SMARCE1: variants seen among roughly 807,000 people sequenced by gnomAD.
SMARCE1 encodes the protein SWI/SNF-related matrix-associated actin-dependent regulator of chromatin subfamily E member 1.
A neutral mutation model predicts 54.9 loss-of-function variants in SMARCE1; 13 were observed. The ratio of observed to expected loss-of-function variants is 0.24; its 90% confidence interval spans 0.15 to 0.38. The LOEUF (loss-of-function observed/expected upper bound fraction) is 0.38. SMARCE1 is among the 10% of genes least tolerant of loss of function. The probability of loss-of-function intolerance (pLI) is 1.00; values close to 1 mark genes in which losing one functional copy is unlikely to be tolerated. For missense variants in SMARCE1, 295 were observed against 523.8 expected (o/e 0.56, Z 4.26); for synonymous variants, 151 against 175.3 (o/e 0.86, Z 1.10).
At position 40,628,435 on chromosome 17, in the gene SMARCE1, C is replaced by A. The variant is rs1328117595; in HGVS notation, c.*350G>T. 1 of 217,658 alleles carries A rather than the reference C, an allele frequency of 4.6e-6. No homozygotes were observed. 13.5% of individuals were successfully genotyped at this position (217,658 alleles called of 1,614,324 possible). A position where few individuals can be genotyped will look rare whatever the true frequency, so the allele number is the denominator to read the frequency against. Reference sequence around the variant, plus strand: ...GGACTGGGAAGGTTTAAAGCTATGGCTTTGGTAAGCACCCCAGTGAGCTGT... The same window carrying A: ...GGACTGGGAAGGTTTAAAGCTATGGATTTGGTAAGCACCCCAGTGAGCTGT... On this transcript the variant is annotated 3_prime_UTR_variant, in exon 11 of 11. Transcript: ENST00000348513.
rs1049204400 is a variant in SMARCE1 at position 40,642,091 on chromosome 17, T to C, written c.156+364A>G. 2.1e-5 allele frequency: 7 copies of C among 335,530 alleles called. No individual in the cohort carries two copies. The Admixed American group carries it at 3.5e-4, about 17-fold the overall frequency. The allele number at this position is 335,530 out of a possible 1,614,324, so 20.8% of individuals were successfully genotyped here. A position where few individuals can be genotyped will look rare whatever the true frequency, so the allele number is the denominator to read the frequency against. Reference sequence around the variant, plus strand: ...TGAAAGACCAGCCTCTACTAGAAACTCAATCCTTGAGACTAATGCCAATCA... The same window carrying C: ...TGAAAGACCAGCCTCTACTAGAAACCCAATCCTTGAGACTAATGCCAATCA... On this transcript the variant is annotated intron_variant, in intron 4 of 10. Transcript: ENST00000348513. The surrounding 1 kb of genome is among the most constrained non-coding windows in gnomAD (Gnocchi z 4.6).
In SMARCE1 at chr17:40,642,430, A is replaced by C. The variant is rs377509962; in HGVS notation, c.156+25T>G. On this transcript the variant is annotated intron_variant, in intron 4 of 10. Transcript: ENST00000348513. The surrounding 1 kb of genome is among the most constrained non-coding windows in gnomAD (Gnocchi z 4.6). ...CTGGTCAATTCCAGTTGTTTGCCGG[A>C]TGCTGTAATAGTTGATTCTCCTACC... 9 of 1,321,290 alleles carry C rather than the reference A, an allele frequency of 6.8e-6. No individual in the cohort carries two copies. In the African/African-American group the frequency reaches 1.3e-4, roughly 19 times the overall value. 81.8% of individuals were successfully genotyped at this position (1,321,290 alleles called of 1,614,324 possible). A position where few individuals can be genotyped will look rare whatever the true frequency, so the allele number is the denominator to read the frequency against.
chr17:40,642,613 A>T lies in SMARCE1; in HGVS notation c.52-54T>A, dbSNP rs2037210439. ...GAATGAGAAATGAGCTCAAACGAGG[A>T]AAACACAGAAATGAAAAATGATCTG... is the stretch of plus-strand genomic sequence containing the variant. On this transcript the variant is annotated intron_variant, in intron 3 of 10. Coordinates refer to ENST00000348513, the MANE Select transcript of SMARCE1 (RefSeq NM_003079.5). The surrounding 1 kb of genome is among the most constrained non-coding windows in gnomAD (Gnocchi z 4.6). The T allele has an allele frequency of 9.1e-7, 1 of 1,101,426 alleles. No homozygotes were observed. Among genetic ancestry groups the T allele is most frequent in the South Asian group, 1.3e-5 (1 of 77,054 alleles). The allele number at this position is 1,101,426 out of a possible 1,614,324, so 68.2% of individuals were successfully genotyped here.
chr17:40,640,653 C>T (rs1424371496), intron 4 of SMARCE1: 1 of 152,110 alleles, frequency 6.6e-6, no homozygotes, highest in Non-Finnish European at 1.5e-5. Context: ...GAAAGCAGGG[C>T]AAGTAGTGTA....
intron 10 of SMARCE1, chr17:40,629,263 T>C (rs909610844): frequency 1.9e-6 from 1 of 517,312 alleles, no homozygotes; most frequent in Admixed American, 3.5e-5. Context: ...AATTGAGATG[T>C]GTATAAAGAC....
intron 3 of SMARCE1, chr17:40,643,201 A>C (rs761978488): frequency 6.6e-6 from 1 of 152,248 alleles, no homozygotes; most frequent in Non-Finnish European, 1.5e-5. Flanking sequence ...GACTTGTAAG[A>C]AATGCATGGA....
At chr17:40,637,844 T>C (rs969210033) in intron 4 of SMARCE1, 7 of 433,840 alleles carry the variant, frequency 1.6e-5, no homozygotes, top group South Asian at 2.2e-5. Context: ...AACCCATACA[T>C]TGAAAATATA....
At position 40,632,279 on chromosome 17, in the gene SMARCE1, A is replaced by G. The variant is rs773810706; in HGVS notation, c.630T>C (p.Ser210=). The part of the protein sequence containing the change: ...HRLISEILSE[S]VVPDVRSVVT... ...CAACTGACCGAACGTCTGGCACCAC[A>G]CTCTCACTAAGAATTTCACTGATGA... Residue 210 remains serine, a synonymous_variant, in exon 8 of 11, where the codon AGT becomes AGC. Transcript: ENST00000348513. 1 of 1,613,920 alleles carries G rather than the reference A, an allele frequency of 6.2e-7. No individual in the cohort carries two copies. The highest frequency in any genetic ancestry group is 2.2e-5 in the East Asian group (1 of 44,880).
chr17:40,628,699 A>T lies in SMARCE1; in HGVS notation c.*86T>A. On this transcript the variant is annotated 3_prime_UTR_variant, in exon 11 of 11. Coordinates refer to ENST00000348513, the MANE Select transcript of SMARCE1 (RefSeq NM_003079.5). ...TGTGATATGGACAAGAAAAAAAATT[A>T]ATACACAAACCACGTAACACCATTA... 1 of 1,115,044 alleles carries T rather than the reference A, an allele frequency of 9.0e-7. No individual in the cohort carries two copies. Among genetic ancestry groups the T allele is most frequent in the Non-Finnish European group, 1.3e-6 (1 of 755,856 alleles). 69.1% of individuals were successfully genotyped at this position (1,115,044 alleles called of 1,614,324 possible).
intron 4 of SMARCE1, among the ~76,000 whole-genome samples, chr17:40,638,561 C>G (rs1000944631): frequency 6.6e-6 from 1 of 152,098 alleles, no homozygotes; most frequent in Non-Finnish European, 1.5e-5. Context: ...CTCTGGTAGA[C>G]CACCCAGATA....
At position 40,625,630 on chromosome 17, in the gene SMARCE1, T is replaced by C. The variant is rs919107805; in HGVS notation, c.*3155A>G. On this transcript the variant is annotated 3_prime_UTR_variant, in exon 11 of 11. Coordinates refer to ENST00000348513, the MANE Select transcript of SMARCE1 (RefSeq NM_003079.5). Reference sequence around the variant, plus strand: ...TGCAGGCAATAGGAGTTTCACACTGTCAGCACCAACTGTCTAAAATCCAAA... The same window carrying C: ...TGCAGGCAATAGGAGTTTCACACTGCCAGCACCAACTGTCTAAAATCCAAA... The C allele has an allele frequency of 2.0e-5, 3 of 152,242 alleles. No homozygotes were observed. The highest frequency in any genetic ancestry group is 7.2e-5 in the African/African-American group (3 of 41,460). 9.4% of individuals were successfully genotyped at this position (152,242 alleles called of 1,614,324 possible). A position where few individuals can be genotyped will look rare whatever the true frequency, so the allele number is the denominator to read the frequency against.
intron 10 of SMARCE1, chr17:40,630,332 C>A (rs751415079): frequency 1.3e-5 from 11 of 867,774 alleles, no homozygotes; most frequent in Non-Finnish European, 2.1e-5. Flanking sequence ...GCAGGCCAGG[C>A]AGTTGTTGTT....
rs986547581 is a variant in SMARCE1 at position 40,626,562 on chromosome 17, A to C, written c.*2223T>G. On this transcript the variant is annotated 3_prime_UTR_variant, in exon 11 of 11. Coordinates refer to ENST00000348513, the MANE Select transcript of SMARCE1 (RefSeq NM_003079.5). Reference sequence around the variant, plus strand: ...TTTTTACATCAATCTTCCCCTGCTGAGGTTCAGAGCTGTCAAATCCCAACT... The same window carrying C: ...TTTTTACATCAATCTTCCCCTGCTGCGGTTCAGAGCTGTCAAATCCCAACT... The C allele has an allele frequency of 2.6e-5, 4 of 152,056 alleles. No homozygotes were observed. Among genetic ancestry groups the C allele is most frequent in the Admixed American group, 2.0e-4 (3 of 15,268 alleles). 9.4% of individuals were successfully genotyped at this position (152,056 alleles called of 1,614,324 possible). A position where few individuals can be genotyped will look rare whatever the true frequency, so the allele number is the denominator to read the frequency against.
Position 40,642,341 on chromosome 17 carries a change from G to T in SMARCE1, c.156+114C>A, listed in dbSNP as rs767671988. On this transcript the variant is annotated intron_variant, in intron 4 of 10. Transcript: ENST00000348513. This position sits in a 1 kb window ranked among gnomAD's most constrained non-coding sequence, Gnocchi z 4.6. The stretch of plus-strand genomic sequence containing the variant: ...ATGTTGAAAATACTCAAAAAGCTAG[G>T]TTAAAAAATTTTTTTTAAATGGCTG... 2 of 754,728 alleles carry T rather than the reference G, an allele frequency of 2.6e-6. No individual in the cohort carries two copies. 46.8% of individuals were successfully genotyped at this position (754,728 alleles called of 1,614,324 possible).
intron 2 of SMARCE1, 71 bp from the exon 3 acceptor site, chr17:40,645,690 G>T: frequency 8.4e-7 from 1 of 1,193,934 alleles, no homozygotes; most frequent in Non-Finnish European, 1.2e-6. Flanking sequence ...AACTACCAAT[G>T]GTCCTGTTTT....
chr17:40,636,122 T>G lies in SMARCE1; in HGVS notation c.370-20A>C. 6.3e-7 allele frequency: 1 copy of G among 1,580,740 alleles called. No individual in the cohort carries two copies. The highest frequency in any genetic ancestry group is 1.4e-5 in the African/African-American group (1 of 73,364). ...CTCTATCTGAAATTCAAATGTTTTT[T>G]GGTTTTATAATTAACATTTTGCAGG... On this transcript the variant is annotated intron_variant, in intron 6 of 10. Coordinates refer to ENST00000348513, the MANE Select transcript of SMARCE1 (RefSeq NM_003079.5).
Position 40,642,200 on chromosome 17 carries a change from C to T in SMARCE1, c.156+255G>A. 1 of 600,412 alleles carries T rather than the reference C, an allele frequency of 1.7e-6. No individual in the cohort carries two copies. Among genetic ancestry groups the T allele is most frequent in the Non-Finnish European group, 2.9e-6 (1 of 341,032 alleles). The allele number at this position is 600,412 out of a possible 1,614,324, so 37.2% of individuals were successfully genotyped here. A position where few individuals can be genotyped will look rare whatever the true frequency, so the allele number is the denominator to read the frequency against. Reference sequence around the variant, plus strand: ...TCTGTTTGTTTACATACAGTATAAGCATCAAGTGCTCAAGGCTTTAACCCT... The same window carrying T: ...TCTGTTTGTTTACATACAGTATAAGTATCAAGTGCTCAAGGCTTTAACCCT... On this transcript the variant is annotated intron_variant, in intron 4 of 10. Transcript: ENST00000348513. This position sits in a 1 kb window ranked among gnomAD's most constrained non-coding sequence, Gnocchi z 4.6.
chr17:40,629,064 C>T, intron 10 of SMARCE1, 71 bp from the exon 11 acceptor site: 3 of 1,289,458 alleles, frequency 2.3e-6, no homozygotes, highest in Middle Eastern at 1.8e-4. Flanking sequence ...CAGTATACAG[C>T]TGTGCTGTCC....
At position 40,638,963 on chromosome 17, in the gene SMARCE1, CT is replaced by C. The variant is rs373324565; in HGVS notation, c.157-1392del. ...CCACTATGATCAAGAAATGTTTCCTCTTCCTACAAGGGTCTCTCTCCATCCC... is the reference window on the plus strand; with the variant it reads ...CCACTATGATCAAGAAATGTTTCCTCTCCTACAAGGGTCTCTCTCCATCCC... On this transcript the variant is annotated intron_variant, in intron 4 of 10. Transcript: ENST00000348513. 2.9e-3 allele frequency among the ~76,000 whole-genome samples: 437 copies of C among 152,300 alleles called. 4 individuals carry two copies. The highest frequency in any genetic ancestry group is 9.7e-3 in the African/African-American group (403 of 41,568).
Sources: gnomAD v4.1 joint callset for allele counts (sites outside exome capture counted in the v4.1 genomes callset) on GRCh38, gnomAD v4.1.1 for gene constraint, Gnocchi (gnomAD v3.1) non-coding constraint, MANE v1.5 for transcripts, NCBI Gene and HGNC (gene_info 2026-07-23, HGNC 2026-07-21) for gene names.